Variants in ADNP2 observed in about 807,000 individuals in gnomAD.
The protein encoded by ADNP2 is activity-dependent neuroprotector homeobox protein 2.
A neutral mutation model predicts 16.4 loss-of-function variants in ADNP2; 8 were observed. The observed-to-expected ratio is 0.49, with a 90% CI of 0.29 to 0.88. ADNP2 has a LOEUF of 0.88. Ranked by LOEUF, ADNP2 falls within the 40% of genes least tolerant of loss-of-function variation. The probability of loss-of-function intolerance (pLI) is 0.09; values close to 1 mark genes in which losing one functional copy is unlikely to be tolerated. For missense variants in ADNP2, 1,397 were observed against 1,395.1 expected, an observed-to-expected ratio of 1.00 and a Z score of -0.02; for synonymous variants, 637 against 545.8, an observed-to-expected ratio of 1.17 and a Z score of -2.33.
intron 1 of ADNP2, among the ~76,000 whole-genome samples, chr18:80,115,059 G>A (rs184833420): frequency 5.3e-5 from 8 of 152,316 alleles, no homozygotes; most frequent in Non-Finnish European, 1.2e-4. Flanking sequence ...CTGCCCAAAG[G>A]TCAGGAGGGG....
rs372487987 is a variant in ADNP2, at chr18:80,136,581, C to T, written c.1168C>T (p.Leu390Phe). 45 of 1,614,086 alleles carry T rather than the reference C, an allele frequency of 2.8e-5. No individual in the cohort carries two copies. The highest frequency in any genetic ancestry group is 4.0e-5 in the African/African-American group (3 of 74,930). The change falls in exon 4 of 4, where the codon CTC becomes TTC. Residue 390 changes from leucine (L) to phenylalanine (F), a missense_variant. Physicochemically the swap from Leu to Phe is conservative, Grantham distance 22. Transcript: ENST00000262198. ...CAATAAGTCTGTTGGAACTAGTGTC[C>T]TCCCCATAAATCAGACTGTTCGCCC... ...PVNKSVGTSV[L>F]PINQTVRPGV...
chr18:80,127,787 C>T (rs1197757004), intron 2 of ADNP2, among the ~76,000 whole-genome samples: 1 of 152,108 alleles, frequency 6.6e-6, no homozygotes, highest in Non-Finnish European at 1.5e-5. Flanking sequence ...GGAGACAGAC[C>T]TTGCTGTGAA....
intron 2 of ADNP2, among the ~76,000 whole-genome samples, chr18:80,124,430 T>G (rs1176115533): frequency 6.6e-6 from 1 of 152,186 alleles, no homozygotes; most frequent in East Asian, 1.9e-4. Flanking sequence ...AAATACTTAC[T>G]TATATTTACT....
rs904846581 is a variant in ADNP2 at position 80,137,969 on chromosome 18, G to C, written c.2556G>C (p.Leu852=). ...AILAGIHSKS[L]VPVYVKVRPQ... ...TGGCTGGGATACACTCCAAGTCACTGGTGCCTGTGTATGTGAAGGTGAGGC... is the reference window on the plus strand; with the variant it reads ...TGGCTGGGATACACTCCAAGTCACTCGTGCCTGTGTATGTGAAGGTGAGGC... Residue 852 remains leucine (L), a synonymous_variant, in exon 4 of 4, where the codon CTG becomes CTC. Transcript: ENST00000262198. The surrounding 1 kb of genome is among the most constrained non-coding windows in gnomAD (Gnocchi z 4.2). 2 of 1,613,182 alleles carry C rather than the reference G, an allele frequency of 1.2e-6. No individual in the cohort carries two copies. The highest frequency in any genetic ancestry group is 2.7e-5 in the African/African-American group (2 of 74,928).
chr18:80,135,780 C>T lies in ADNP2; in HGVS notation c.367C>T (p.His123Tyr). 6.2e-7 allele frequency: 1 copy of T among 1,614,198 alleles called. No individual in the cohort carries two copies. The highest frequency in any genetic ancestry group is 8.5e-7 in the Non-Finnish European group (1 of 1,180,038). Residue 123 changes from histidine (H) to tyrosine (Y), a missense_variant, in exon 4 of 4, where the codon CAC (histidine) becomes TAC (tyrosine). His to Tyr is a moderately conservative substitution (Grantham distance 83, BLOSUM62 2). This residue lies in a region of ADNP2 where 777 missense variants were observed against 719.4 expected (regional missense o/e 1.08). Coordinates refer to ENST00000262198, the MANE Select transcript of ADNP2 (RefSeq NM_014913.4). ...FASQPKVVGR[H>Y]FRMFHAPVRK... ...ATCTCAGCCCAAAGTTGTGGGAAGGCACTTCAGAATGTTCCATGCACCTGT... is the reference window on the plus strand; with the variant it reads ...ATCTCAGCCCAAAGTTGTGGGAAGGTACTTCAGAATGTTCCATGCACCTGT...
intron 2 of ADNP2, among the ~76,000 whole-genome samples, chr18:80,132,742 CT>C (rs2052506438): frequency 6.8e-6 from 1 of 146,592 alleles, no homozygotes; most frequent in African/African-American, 2.5e-5. Flanking sequence ...TCTCTTTCTT[CT>C]TTTCTTTTTC....
Position 80,136,151 on chromosome 18 carries a change from G to T in ADNP2, c.738G>T (p.Lys246Asn), listed in dbSNP as rs768301309. 1 of 1,614,230 alleles carries T rather than the reference G, an allele frequency of 6.2e-7. No individual in the cohort carries two copies. Among genetic ancestry groups the T allele is most frequent in the East Asian group, 2.2e-5 (1 of 44,894 alleles). The change falls in exon 4 of 4, where the codon AAG becomes AAT. Residue 246 changes from lysine (K) to asparagine (N), a missense_variant. Physicochemically the swap from Lys to Asn is moderately conservative, Grantham distance 94. Coordinates refer to ENST00000262198, the MANE Select transcript of ADNP2 (RefSeq NM_014913.4). The part of the protein sequence containing the change: ...TSDIHRDLEN[K>N]LRSVISEHIK... Reference sequence around the variant, plus strand: ...ACATACACAGAGATTTGGAGAATAAGCTTAGATCTGTGATTTCAGAACATA... The same window carrying T: ...ACATACACAGAGATTTGGAGAATAATCTTAGATCTGTGATTTCAGAACATA...
At chr18:80,117,726 C>T (rs1568408857) in intron 2 of ADNP2, 76 bp downstream of exon 2, 1 of 1,108,248 alleles carries the variant, frequency 9.0e-7, no homozygotes. Context: ...GGGTAAGATT[C>T]CTCAAAATGG....
intron 1 of ADNP2, among the ~76,000 whole-genome samples, chr18:80,110,236 T>G (rs1476561976): frequency 6.6e-6 from 1 of 152,228 alleles, no homozygotes; most frequent in Non-Finnish European, 1.5e-5. Flanking sequence ...TCTACTACAG[T>G]TGACTTTGGA....
At chr18:80,110,018 G>A (rs1006693220) in intron 1 of ADNP2, 1 of 152,332 alleles carries the variant, frequency 6.6e-6, no homozygotes, top group African/African-American at 2.4e-5. Context: ...GACGGCAGAT[G>A]TAGGTCAGGA....
Position 80,124,177 on chromosome 18 carries a change from G to T in ADNP2, c.108+6527G>T, listed in dbSNP as rs141491462. On this transcript the variant is annotated intron_variant, in intron 2 of 3. Coordinates refer to ENST00000262198, the MANE Select transcript of ADNP2 (RefSeq NM_014913.4). The stretch of plus-strand genomic sequence containing the variant: ...GGTATGAATCAGTTTTAGGTAATTA[G>T]TGTCTTTCTAGGAATTTGTCCATTA... Among the ~76,000 whole-genome samples the T allele has an allele frequency of 1.6e-3, 237 of 152,278 alleles. 1 individual carries two copies. The highest frequency in any genetic ancestry group is 5.6e-3 in the African/African-American group (231 of 41,548).
intron 2 of ADNP2, among the ~76,000 whole-genome samples, chr18:80,121,430 T>C (rs115878733): frequency 6.6e-6 from 1 of 152,250 alleles, no homozygotes; most frequent in Non-Finnish European, 1.5e-5. Context: ...AATTTCCTTA[T>C]TCTGGGTATT....
intron 2 of ADNP2, among the ~76,000 whole-genome samples, chr18:80,132,648 C>G (rs1171709047): frequency 7.0e-6 from 1 of 142,460 alleles, no homozygotes; most frequent in African/African-American, 2.8e-5. Flanking sequence ...TTTTTTCTCT[C>G]TCTCACTCTC....
At chr18:80,122,966 T>G (rs2145199230) in intron 2 of ADNP2, among the ~76,000 whole-genome samples, 1 of 152,288 alleles carries the variant, frequency 6.6e-6, no homozygotes, top group African/African-American at 2.4e-5. Flanking sequence ...TTTATCTTGT[T>G]GAGGAGAGTC....
At chr18:80,111,563 G>T (rs1057129386) in intron 1 of ADNP2, among the ~76,000 whole-genome samples, 7 of 118,388 alleles carry the variant, frequency 5.9e-5, no homozygotes, top group African/African-American at 2.3e-4. Context: ...TTACCTGAAT[G>T]ACATTTTTTT....
intron 1 of ADNP2, chr18:80,109,791 A>G (rs1335485985): frequency 6.6e-6 from 1 of 151,318 alleles, no homozygotes; most frequent in African/African-American, 2.4e-5. Context: ...GAGAGTAGGA[A>G]TAGGGGAAAG....
At chr18:80,113,682 A>G (rs76471289) in intron 1 of ADNP2, among the ~76,000 whole-genome samples, 3,205 of 152,226 alleles carry the variant, frequency 0.021, 69 homozygotes, top group Non-Finnish European at 0.029. Context: ...GGACCCTCTC[A>G]AGCAAATATA....
rs1366515569 is a variant in ADNP2, at chr18:80,137,933, C to T, written c.2520C>T (p.Tyr840=). Residue 840 remains tyrosine (Y), a synonymous_variant, in exon 4 of 4, where the codon TAC becomes TAT. Transcript: ENST00000262198. This position sits in a 1 kb window ranked among gnomAD's most constrained non-coding sequence, Gnocchi z 4.2. The stretch of plus-strand genomic sequence containing the variant: ...AGAAGCTTGGGGAGCGGGAAGTCTA[C>T]TTGGCAATCCTGGCTGGGATACACT... ...PKEKLGEREV[Y]LAILAGIHSK... is the part of the protein sequence containing the mutation. 5.0e-6 allele frequency: 8 copies of T among 1,613,486 alleles called. No individual in the cohort carries two copies. In the Admixed American group the frequency reaches 1.2e-4, roughly 24 times the overall value.
intron 2 of ADNP2, among the ~76,000 whole-genome samples, chr18:80,125,850 G>A (rs2052455194): frequency 6.6e-6 from 1 of 152,084 alleles, no homozygotes; most frequent in African/African-American, 2.4e-5. Flanking sequence ...TATTGAAATA[G>A]CTATTCCCAT....
Sources: allele counts gnomAD v4.1 joint callset (sites outside exome capture counted in the v4.1 genomes callset), GRCh38; gene constraint gnomAD v4.1.1; regional missense constraint gnomAD v4.1.1; non-coding constraint Gnocchi (gnomAD v3.1); transcripts MANE v1.5; gene names NCBI Gene and HGNC (gene_info 2026-07-23, HGNC 2026-07-21).